The following CDH9 variants were observed in gnomAD, a reference collection of about 807,000 sequenced individuals.
CDH9 encodes cadherin-9.
In CDH9, 28 loss-of-function variants were observed where a neutral mutation model predicts 70.9. The observed-to-expected ratio is 0.40, with a 90% CI of 0.29 to 0.54. CDH9 has a LOEUF of 0.54. Ranked by LOEUF, CDH9 falls within the 20% of genes least tolerant of loss-of-function variation. The pLI, the probability that CDH9 is intolerant of heterozygous loss-of-function variation, is 0.59. For missense variants in CDH9, 874 were observed against 984.4 expected (o/e 0.89, Z 1.50); for synonymous variants, 409 against 343.1 (o/e 1.19, Z -2.12).
chr5:26,970,287 A>T (rs1742196275), intron 2 of CDH9, among the ~76,000 whole-genome samples: 1 of 152,038 alleles, frequency 6.6e-6, no homozygotes. Flanking sequence ...AGTGTAAATT[A>T]TAGTTATTGA....
intron 9 of CDH9, among the ~76,000 whole-genome samples, chr5:26,888,860 G>A (rs1048620804): frequency 1.1e-4 from 17 of 152,134 alleles, no homozygotes; most frequent in African/African-American, 4.1e-4. Flanking sequence ...CAGGGACAGG[G>A]AGAAAGAGAG....
At chr5:26,892,443 G>GT (rs1423456759) in intron 7 of CDH9, among the ~76,000 whole-genome samples, 2 of 152,158 alleles carry the variant, frequency 1.3e-5, no homozygotes, top group Non-Finnish European at 2.9e-5. Flanking sequence ...TTATATAGCA[G>GT]TTTTAGGCTA....
At chr5:26,894,495 A>G (rs926240284) in intron 7 of CDH9, among the ~76,000 whole-genome samples, 1 of 152,124 alleles carries the variant, frequency 6.6e-6, no homozygotes, top group African/African-American at 2.4e-5. Flanking sequence ...CAGACGATAC[A>G]GAAATAGCTC....
chr5:26,968,252 A>T (rs1043643304), intron 2 of CDH9, among the ~76,000 whole-genome samples: 18 of 151,870 alleles, frequency 1.2e-4, no homozygotes, highest in African/African-American at 4.3e-4. Flanking sequence ...GATTACAGGG[A>T]AACGTTTCTG....
intron 1 of CDH9, among the ~76,000 whole-genome samples, chr5:27,006,183 T>G (rs1292428639): frequency 2.6e-5 from 4 of 152,062 alleles, no homozygotes; most frequent in Non-Finnish European, 5.9e-5. Flanking sequence ...AAAGTTTTTT[T>G]AAAAATAAAA....
At chr5:27,014,380 G>A (rs190758401) in intron 1 of CDH9, among the ~76,000 whole-genome samples, 9 of 151,892 alleles carry the variant, frequency 5.9e-5, no homozygotes, top group African/African-American at 2.2e-4. Flanking sequence ...TTAATGCACC[G>A]AACTGTGGTT....
At chr5:26,881,858 A>G (rs2111962028) in intron 11 of CDH9, among the ~76,000 whole-genome samples, 1 of 152,176 alleles carries the variant, frequency 6.6e-6, no homozygotes, top group Non-Finnish European at 1.5e-5. Flanking sequence ...TCTCCTATGA[A>G]CTTCTGGCTT....
intron 2 of CDH9, among the ~76,000 whole-genome samples, chr5:26,949,858 T>G (rs532031431): frequency 5.9e-5 from 9 of 152,298 alleles, no homozygotes; most frequent in Non-Finnish European, 1.3e-4. Flanking sequence ...TAAATTAATT[T>G]ATAAGAACTT....
intron 2 of CDH9, among the ~76,000 whole-genome samples, chr5:26,978,545 A>C (rs1742342551): frequency 6.6e-6 from 1 of 151,526 alleles, no homozygotes; most frequent in Non-Finnish European, 1.5e-5. Context: ...TTGTATTTGA[A>C]GTTTCTAAAA....
chr5:26,911,931 A>G (rs1279219027), intron 3 of CDH9, among the ~76,000 whole-genome samples: 1 of 152,124 alleles, frequency 6.6e-6, no homozygotes, highest in Non-Finnish European at 1.5e-5. Context: ...AGAGGGAAAC[A>G]AGAAGGGAAG....
intron 3 of CDH9, 25 bp from the exon 4 acceptor site, chr5:26,906,863 CAG>C: frequency 6.3e-7 from 1 of 1,579,334 alleles, no homozygotes; most frequent in Non-Finnish European, 8.6e-7. Flanking sequence ...CATCCCCAAA[CAG>C]AGACATTTAC....
intron 2 of CDH9, among the ~76,000 whole-genome samples, chr5:26,918,857 A>G (rs961992200): frequency 1.3e-5 from 2 of 152,200 alleles, no homozygotes; most frequent in African/African-American, 4.8e-5. Flanking sequence ...CAGCTTGCCA[A>G]CTGCAGCTCT....
chr5:26,922,932 G>A (rs916892058), intron 2 of CDH9, among the ~76,000 whole-genome samples: 17 of 150,720 alleles, frequency 1.1e-4, no homozygotes, highest in African/African-American at 4.1e-4. Flanking sequence ...TGGATAATGA[G>A]GTTAAAAAAA....
chr5:26,919,759 G>T (rs1741212081), intron 2 of CDH9, among the ~76,000 whole-genome samples: 1 of 152,082 alleles, frequency 6.6e-6, no homozygotes, highest in Admixed American at 6.5e-5. Flanking sequence ...GCAGGGTCCT[G>T]AGGCCCCCAT....
chr5:26,982,515 G>T (rs1040390337), intron 2 of CDH9, among the ~76,000 whole-genome samples: 1 of 151,974 alleles, frequency 6.6e-6, no homozygotes, highest in Non-Finnish European at 1.5e-5. Flanking sequence ...AAAGAATAAA[G>T]ATTTTTAAAA....
intron 2 of CDH9, among the ~76,000 whole-genome samples, chr5:26,943,357 T>A (rs1242981454): frequency 6.6e-6 from 1 of 151,726 alleles, no homozygotes; most frequent in Non-Finnish European, 1.5e-5. Flanking sequence ...ACTAAAAAAA[T>A]ACAAAATTAG....
rs1221330777 is a variant in CDH9, at chr5:26,883,041, T to TTAGATATATATA, written c.1883-1419_1883-1418insTATATATATCTA. Among the ~76,000 whole-genome samples the TTAGATATATATA allele has an allele frequency of 4.0e-4, 23 of 58,040 alleles. 2 individuals carry two copies. Among genetic ancestry groups the TTAGATATATATA allele is most frequent in the Non-Finnish European group, 6.2e-4 (19 of 30,532 alleles). 38.1% of individuals were successfully genotyped at this position (58,040 alleles called of 152,430 possible). A position where few individuals can be genotyped will look rare whatever the true frequency, so the allele number is the denominator to read the frequency against. ...AAGCTGAGCTATATTCAGGATCATC[T>TTAGATATATATA]TATATATATATATATATATATATAT... On this transcript the variant is annotated intron_variant, in intron 11 of 11. Coordinates refer to ENST00000231021, the MANE Select transcript of CDH9 (RefSeq NM_016279.4).
At position 26,949,017 on chromosome 5, in the gene CDH9, T is replaced by C. The variant is rs542507261; in HGVS notation, c.229-33093A>G. Among the ~76,000 whole-genome samples the C allele has an allele frequency of 3.3e-5, 5 of 152,300 alleles. No homozygotes were observed. The South Asian group carries it at 8.3e-4, about 25-fold the overall frequency. On this transcript the variant is annotated intron_variant, in intron 2 of 11. Transcript: ENST00000231021. Reference sequence around the variant, plus strand: ...TGCCAGACTTGCCTTAAATACATTCTTTTGAAATTGTGTATACTTAAAGAA... The same window carrying C: ...TGCCAGACTTGCCTTAAATACATTCCTTTGAAATTGTGTATACTTAAAGAA...
chr5:26,885,474 A>T, intron 11 of CDH9, 140 bp downstream of exon 11: 2 of 765,942 alleles, frequency 2.6e-6, no homozygotes, highest in Non-Finnish European at 4.1e-6. Flanking sequence ...ATTTTTTCCT[A>T]ATTGAAAGAA....
Sources: gnomAD v4.1 joint callset for allele counts (sites outside exome capture counted in the v4.1 genomes callset) on GRCh38, gnomAD v4.1.1 for gene constraint, MANE v1.5 for transcripts, NCBI Gene and HGNC (gene_info 2026-07-23, HGNC 2026-07-21) for gene names.